The following HS1BP3 variants were observed in gnomAD, a reference collection of about 807,000 sequenced individuals.
HS1BP3 encodes the protein HCLS1-binding protein 3.
In HS1BP3, 32 loss-of-function variants were observed where a neutral mutation model predicts 33.5. That is an observed-to-expected ratio of 0.95 (90% CI 0.72 to 1.28). The LOEUF is 1.28. Ranked by LOEUF, HS1BP3 falls within the 50% of genes most tolerant of loss-of-function variation. HS1BP3 has a pLI of 0.00. For missense variants in HS1BP3, 486 were observed against 502.3 expected, an observed-to-expected ratio of 0.97 and a Z score of 0.31; for synonymous variants, 187 against 209.2, an observed-to-expected ratio of 0.89 and a Z score of 0.92.
chr2:20,611,252 T>C lies in HS1BP3; in HGVS notation c.178+12644A>G, dbSNP rs529837642. Among the ~76,000 whole-genome samples the C allele has an allele frequency of 5.9e-5, 9 of 152,374 alleles. No individual in the cohort carries two copies. The highest frequency in any genetic ancestry group is 1.9e-4 in the East Asian group (1 of 5,188). The stretch of plus-strand genomic sequence containing the variant: ...TTGGGGGAGGAACCCTTATGAATAA[T>C]GTTGCTGTGAACATTCGTGTCTAAG... On this transcript the variant is annotated intron_variant, in intron 2 of 3. Coordinates refer to the HS1BP3 transcript ENST00000415264. This position sits in a 1 kb window ranked among gnomAD's most constrained non-coding sequence, Gnocchi z 4.9.
chr2:20,647,928 G>A (rs973663206), intron 1 of HS1BP3, among the ~76,000 whole-genome samples: 3 of 152,216 alleles, frequency 2.0e-5, no homozygotes, highest in Non-Finnish European at 2.9e-5. Flanking sequence ...ACACTGCTGT[G>A]TACTGCTCCA....
chr2:20,596,949 G>T (rs1379691408), intron 3 of HS1BP3, among the ~76,000 whole-genome samples: 1 of 152,206 alleles, frequency 6.6e-6, no homozygotes, highest in Non-Finnish European at 1.5e-5. Flanking sequence ...TCTGTGGGTA[G>T]GATTTGGGCA....
downstream of HS1BP3, among the ~76,000 whole-genome samples, chr2:20,556,044 T>A (rs1692834088): frequency 6.6e-6 from 1 of 152,204 alleles, no homozygotes; most frequent in Admixed American, 6.5e-5. Flanking sequence ...AGAATGGTAA[T>A]AAATCAAAAG....
At chr2:20,587,740 T>C (rs1158620426), downstream of HS1BP3, among the ~76,000 whole-genome samples, 1 of 151,890 alleles carries the variant, frequency 6.6e-6, no homozygotes, top group Non-Finnish European at 1.5e-5. Context: ...AGCGAGACTC[T>C]GTCTCAAAAA....
At chr2:20,641,816 T>C (rs1695360259) in intron 2 of HS1BP3, among the ~76,000 whole-genome samples, 1 of 152,214 alleles carries the variant, frequency 6.6e-6, no homozygotes, top group Non-Finnish European at 1.5e-5. Flanking sequence ...GGCCAGCGGC[T>C]GACTCCCGCT....
At chr2:20,640,468 A>T (rs1695303543) in intron 3 of HS1BP3, 1 of 289,986 alleles carries the variant, frequency 3.4e-6, no homozygotes, top group Admixed American at 4.8e-5. Context: ...GGGGTGCTGG[A>T]TCAATTCCTC....
intron 5 of HS1BP3, among the ~76,000 whole-genome samples, chr2:20,567,081 C>T (rs1372667768): frequency 6.6e-6 from 1 of 152,166 alleles, no homozygotes; most frequent in Non-Finnish European, 1.5e-5. Flanking sequence ...CCCTGCTCAC[C>T]ATCACACAGA....
chr2:20,648,843 T>A (rs573230089), intron 1 of HS1BP3, among the ~76,000 whole-genome samples: 1 of 152,332 alleles, frequency 6.6e-6, no homozygotes, highest in East Asian at 1.9e-4. Flanking sequence ...TCCCCAAGCC[T>A]GCTAAAGGGC....
rs113028995 is a variant in HS1BP3, at chr2:20,628,634, CA to C, written c.624-3743del. ...TGGGTGACAAAGTGAGACTTTGTCTCAAAAAAAAAAAAAGGAAACTGTTCAT... is the reference window on the plus strand; with the variant it reads ...TGGGTGACAAAGTGAGACTTTGTCTCAAAAAAAAAAAAGGAAACTGTTCAT... On this transcript the variant is annotated intron_variant, in intron 4 of 6. Transcript: ENST00000304031. 3.8e-3 allele frequency among the ~76,000 whole-genome samples: 524 copies of C among 137,548 alleles called. 1 individual carries two copies. The highest frequency in any genetic ancestry group is 9.6e-3 in the African/African-American group (353 of 36,880). The allele number at this position is 137,548 out of a possible 152,430, so 90.2% of individuals were successfully genotyped here. A position where few individuals can be genotyped will look rare whatever the true frequency, so the allele number is the denominator to read the frequency against.
chr2:20,576,002 G>A (rs914917347), intron 5 of HS1BP3, among the ~76,000 whole-genome samples: 4 of 152,116 alleles, frequency 2.6e-5, no homozygotes, highest in Non-Finnish European at 4.4e-5. Flanking sequence ...GTTTTGTTTT[G>A]TTTTTTGAGA....
chr2:20,590,031 G>C (rs546063583), downstream of HS1BP3, among the ~76,000 whole-genome samples: 1 of 152,262 alleles, frequency 6.6e-6, no homozygotes, highest in East Asian at 1.9e-4. Context: ...TCTGGAGAGT[G>C]AATGAATAAA....
At chr2:20,569,339 G>T (rs1693210796) in intron 5 of HS1BP3, among the ~76,000 whole-genome samples, 1 of 152,206 alleles carries the variant, frequency 6.6e-6, no homozygotes, top group Non-Finnish European at 1.5e-5. Context: ...TGTGCAAGCT[G>T]CTGGGGCTTT....
intron 2 of HS1BP3, among the ~76,000 whole-genome samples, chr2:20,608,279 A>C (rs556746537): frequency 6.6e-6 from 1 of 152,186 alleles, no homozygotes; most frequent in South Asian, 2.1e-4. Context: ...TATTGCATAG[A>C]AGTAGCAGAA....
the HS1BP3 span, among the ~76,000 whole-genome samples, chr2:20,554,415 C>T: frequency 1.1e-4 from 16 of 152,292 alleles, no homozygotes; most frequent in Middle Eastern, 6.8e-3. Flanking sequence ...CTAACAAACA[C>T]GCACAAAGCT....
chr2:20,594,466 A>G (rs1319005050), intron 3 of HS1BP3, among the ~76,000 whole-genome samples: 1 of 152,178 alleles, frequency 6.6e-6, no homozygotes, highest in African/African-American at 2.4e-5. Flanking sequence ...GACCCAATGG[A>G]GAGATGGCTC....
intron 5 of HS1BP3, among the ~76,000 whole-genome samples, chr2:20,576,742 G>A (rs1693409991): frequency 6.6e-6 from 1 of 151,894 alleles, no homozygotes; most frequent in South Asian, 2.1e-4. Flanking sequence ...CAACAGAAAT[G>A]GAAGTTGACC....
intron 5 of HS1BP3, among the ~76,000 whole-genome samples, chr2:20,587,104 A>T (rs904485029): frequency 6.6e-6 from 1 of 152,230 alleles, no homozygotes; most frequent in African/African-American, 2.4e-5. Flanking sequence ...AGACCAAAAA[A>T]CTGTGTACAA....
chr2:20,648,082 C>G (rs553605153), intron 1 of HS1BP3, among the ~76,000 whole-genome samples: 2 of 152,326 alleles, frequency 1.3e-5, no homozygotes, highest in East Asian at 3.9e-4. Context: ...GCAGCGGCTC[C>G]GAGGCCCTCC....
At chr2:20,619,637 G>T (rs150937427) in intron 6 of HS1BP3, among the ~76,000 whole-genome samples, 1 of 152,162 alleles carries the variant, frequency 6.6e-6, no homozygotes, top group African/African-American at 2.4e-5. Flanking sequence ...CTTCAGACAC[G>T]TTATCATATC....
Sources: gnomAD v4.1 joint callset for allele counts (sites outside exome capture counted in the v4.1 genomes callset) on GRCh38, gnomAD v4.1.1 for gene constraint, Gnocchi (gnomAD v3.1) non-coding constraint, MANE v1.5 for transcripts, NCBI Gene and HGNC (gene_info 2026-07-23, HGNC 2026-07-21) for gene names.